CCDC7: variants seen among roughly 807,000 people sequenced by gnomAD.
CCDC7 encodes the protein coiled-coil domain-containing protein 7.
Under a neutral mutation model 196.9 loss-of-function variants are expected in CCDC7, and 183 were observed. That is an observed-to-expected ratio of 0.93 (90% CI 0.82 to 1.05). CCDC7 has a LOEUF of 1.05. CCDC7 is among the 50% of genes least tolerant of loss of function. The pLI is 0.00. For synonymous variants in CCDC7, 525 were observed against 484.6 expected, an observed-to-expected ratio of 1.08 and a Z score of -1.10; for missense variants, 1,540 against 1,482.2, an observed-to-expected ratio of 1.04 and a Z score of -0.64.
chr10:32,692,224 G>C (rs1247627162), intron 23 of CCDC7, among the ~76,000 whole-genome samples: 7 of 152,166 alleles, frequency 4.6e-5, no homozygotes, highest in African/African-American at 1.7e-4. Context: ...AACTCAGTGT[G>C]CAGAGTCTCC....
chr10:32,718,715 C>A (rs1003432235), intron 25 of CCDC7, among the ~76,000 whole-genome samples: 4 of 152,088 alleles, frequency 2.6e-5, no homozygotes, highest in African/African-American at 9.7e-5. Flanking sequence ...CACAAGCATT[C>A]CTATACACCA....
intron 31 of CCDC7, among the ~76,000 whole-genome samples, chr10:32,817,149 G>A (rs1846262193): frequency 6.6e-6 from 1 of 152,194 alleles, no homozygotes; most frequent in Non-Finnish European, 1.5e-5. Flanking sequence ...TAAAGGACCT[G>A]ATGGAGCTGA....
chr10:32,765,605 T>C (rs2078159712), intron 28 of CCDC7, among the ~76,000 whole-genome samples: 1 of 152,024 alleles, frequency 6.6e-6, no homozygotes, highest in African/African-American at 2.4e-5. Context: ...CCAAAAGCAA[T>C]ATTACATTCT....
chr10:32,828,485 G>GGAAGAGGAAGAGGAAGAA (rs2091618916), intron 32 of CCDC7, among the ~76,000 whole-genome samples: 10 of 49,744 alleles, frequency 2.0e-4, no homozygotes, highest in Non-Finnish European at 1.7e-4. Flanking sequence ...AAGAGGAAGA[G>GGAAGAGGAAGAGGAAGAA]GAAGAAGAAG....
At chr10:32,694,249 T>G (rs372170607) in intron 23 of CCDC7, among the ~76,000 whole-genome samples, 1 of 152,360 alleles carries the variant, frequency 6.6e-6, no homozygotes, top group East Asian at 1.9e-4. Flanking sequence ...TTTTTATTAT[T>G]TTTTCTTAAA....
chr10:32,823,323 G>A (rs750777596), intron 31 of CCDC7, among the ~76,000 whole-genome samples: 1 of 150,174 alleles, frequency 6.7e-6, no homozygotes, highest in Non-Finnish European at 1.5e-5. Context: ...TGTGTTTTTA[G>A]TAGAGACAAG....
intron 41 of CCDC7, among the ~76,000 whole-genome samples, chr10:32,862,560 T>TA (rs60685885): frequency 0.095 from 13,957 of 146,340 alleles, 869 homozygotes; most frequent in East Asian, 0.33. Flanking sequence ...GGTATAATAA[T>TA]AAAAAAAAAA....
intron 18 of CCDC7, among the ~76,000 whole-genome samples, chr10:32,611,205 C>T (rs1179482515): frequency 1.3e-5 from 2 of 152,018 alleles, no homozygotes; most frequent in African/African-American, 2.4e-5. Context: ...TTTTGTTAGC[C>T]GCATAAATAT....
chr10:32,619,372 C>T (rs1227952875), intron 18 of CCDC7, among the ~76,000 whole-genome samples: 1 of 151,646 alleles, frequency 6.6e-6, no homozygotes, highest in Non-Finnish European at 1.5e-5. Flanking sequence ...AATAGCTAGC[C>T]TGTATAATAA....
intron 28 of CCDC7, among the ~76,000 whole-genome samples, chr10:32,744,490 C>G (rs569837374): frequency 2.4e-4 from 36 of 151,990 alleles, no homozygotes; most frequent in African/African-American, 8.2e-4. Context: ...GCATTTATGT[C>G]AGTTTTTTGG....
Position 32,754,973 on chromosome 10 carries a change from C to T in CCDC7, c.2906-24004C>T, listed in dbSNP as rs150876950. On this transcript the variant is annotated intron_variant, in intron 28 of 41. Coordinates refer to ENST00000639629, the Ensembl canonical transcript of CCDC7. ...AAACAGCACACCAGGAGATTATATC[C>T]CGCGCTGGCTTGGAGGGTCCCACAC... is the stretch of plus-strand genomic sequence containing the variant. Among the ~76,000 whole-genome samples the T allele has an allele frequency of 8.8e-3, 1,338 of 152,306 alleles. 14 individuals are homozygous for T. Among genetic ancestry groups the T allele is most frequent in the African/African-American group, 0.029 (1,218 of 41,564 alleles).
intron 26 of CCDC7, among the ~76,000 whole-genome samples, 166 bp downstream of exon 27, chr10:32,726,998 C>T (rs1037291668): frequency 6.6e-6 from 1 of 152,062 alleles, no homozygotes; most frequent in African/African-American, 2.4e-5. Context: ...AAAATGTTAA[C>T]TTCATGTTGG....
chr10:32,731,084 A>G (rs542432399), intron 28 of CCDC7, among the ~76,000 whole-genome samples: 105 of 152,188 alleles, frequency 6.9e-4, no homozygotes, highest in Non-Finnish European at 1.2e-3. Flanking sequence ...ATTTCTTCTT[A>G]TAGTACTGTC....
At chr10:32,829,596 A>G (rs2091880001) in intron 32 of CCDC7, among the ~76,000 whole-genome samples, 1 of 152,176 alleles carries the variant, frequency 6.6e-6, no homozygotes, top group Non-Finnish European at 1.5e-5. Flanking sequence ...TATATGAAGG[A>G]TAGTTGTATC....
chr10:32,705,562 T>C (rs956472821), intron 24 of CCDC7, among the ~76,000 whole-genome samples: 1 of 152,072 alleles, frequency 6.6e-6, no homozygotes, highest in African/African-American at 2.4e-5. Flanking sequence ...GTGTGCTATA[T>C]TCAGGAGACC....
At chr10:32,674,495 G>A (rs1763800) in intron 21 of CCDC7, among the ~76,000 whole-genome samples, 52,025 of 151,816 alleles carry the variant, frequency 0.34, 11,306 homozygotes, top group Non-Finnish European at 0.49. Context: ...GACTTGTTTT[G>A]TGATATAGCA....
At chr10:32,641,297 T>G (rs932538021) in intron 20 of CCDC7, among the ~76,000 whole-genome samples, 6 of 152,240 alleles carry the variant, frequency 3.9e-5, no homozygotes, top group Non-Finnish European at 8.8e-5. Flanking sequence ...ACCAATCAGA[T>G]GTAGATTTGG....
intron 18 of CCDC7, among the ~76,000 whole-genome samples, chr10:32,590,991 C>A (rs2059729124): frequency 6.6e-6 from 1 of 152,088 alleles, no homozygotes; most frequent in Non-Finnish European, 1.5e-5. Context: ...GTTTCTATAA[C>A]ATTCTTGTTC....
intron 41 of CCDC7, among the ~76,000 whole-genome samples, chr10:32,874,781 CACAT>C (rs1340613140): frequency 2.7e-5 from 4 of 148,024 alleles, no homozygotes; most frequent in South Asian, 2.2e-4. Context: ...CACACACACA[CACAT>C]ATATACACAC....
Sources: allele counts gnomAD v4.1 joint callset (sites outside exome capture counted in the v4.1 genomes callset), GRCh38; gene constraint gnomAD v4.1.1; transcripts MANE v1.5; gene names NCBI Gene and HGNC (gene_info 2026-07-23, HGNC 2026-07-21).